The following VSNL1 variants were observed in gnomAD, a reference collection of about 807,000 sequenced individuals.
VSNL1 encodes the protein visinin like 1, also known as visinin-like protein 1.
Under a neutral mutation model 20.4 loss-of-function variants are expected in VSNL1, and 6 were observed. That is an observed-to-expected ratio of 0.29 (90% CI 0.16 to 0.58). The LOEUF (loss-of-function observed/expected upper bound fraction) is 0.58, where lower values mean the gene tolerates loss of function less well. Ranked by LOEUF, VSNL1 falls within the 20% of genes least tolerant of loss-of-function variation. VSNL1 has a pLI of 0.90. For synonymous variants in VSNL1, 93 were observed against 86.4 expected, an observed-to-expected ratio of 1.08 and a Z score of -0.42; for missense variants, 100 against 234.5, an observed-to-expected ratio of 0.43 and a Z score of 3.75.
At chr2:17,640,163 T>A (rs1378905387) in intron 2 of VSNL1, among the ~76,000 whole-genome samples, 1 of 149,324 alleles carries the variant, frequency 6.7e-6, no homozygotes, top group East Asian at 2.0e-4. Context: ...GGGAGGAGAA[T>A]CGCTTGAACC....
In VSNL1 at chr2:17,591,951, A is replaced by G. The variant is rs963453846; in HGVS notation, c.-5-119A>G. The G allele has an allele frequency of 4.7e-6, 5 of 1,058,172 alleles. No individual in the cohort carries two copies. The African/African-American group carries it at 6.3e-5, about 13-fold the overall frequency. The allele number at this position is 1,058,172 out of a possible 1,614,324, so 65.5% of individuals were successfully genotyped here. On this transcript the variant is annotated intron_variant, in intron 1 of 3. Transcript: ENST00000295156. ...AGGAGGCAGACTTGGGAAGATATGC[A>G]TCAGCCACACTGGAGGGAGTTCCGA...
intron 2 of VSNL1, among the ~76,000 whole-genome samples, chr2:17,595,491 A>G (rs906038850): frequency 1.1e-4 from 17 of 152,230 alleles, no homozygotes; most frequent in African/African-American, 3.6e-4. Context: ...CAGTGATGAG[A>G]GGAAGACTTT....
intron 1 of VSNL1, among the ~76,000 whole-genome samples, 152 bp from the exon 2 acceptor site, chr2:17,591,918 C>A (rs1664600607): frequency 6.6e-6 from 1 of 151,552 alleles, no homozygotes; most frequent in African/African-American, 2.4e-5. Context: ...TCTAGAATAC[C>A]AAGTAGAAGG....
At chr2:17,622,212 C>CA (rs60417092) in intron 2 of VSNL1, among the ~76,000 whole-genome samples, 9,125 of 134,508 alleles carry the variant, frequency 0.068, 862 homozygotes, top group African/African-American at 0.22. Context: ...GACTCTATCT[C>CA]AAAAAAAAAA....
intron 1 of VSNL1, among the ~76,000 whole-genome samples, chr2:17,590,829 G>C (rs114886278): frequency 0.017 from 2,617 of 152,180 alleles, 46 homozygotes; most frequent in Non-Finnish European, 0.027. Context: ...GAAGGACTAG[G>C]TTCACTTGGT....
chr2:17,648,116 T>C (rs1666038206), intron 2 of VSNL1, among the ~76,000 whole-genome samples: 2 of 152,236 alleles, frequency 1.3e-5, no homozygotes, highest in Non-Finnish European at 2.9e-5. Context: ...CTGGAACAGA[T>C]CATTGTGCCT....
chr2:17,622,377 A>T lies in VSNL1; in HGVS notation c.163-27033A>T, dbSNP rs1665381622. Among the ~76,000 whole-genome samples, 2 of 151,884 alleles carry T rather than the reference A, an allele frequency of 1.3e-5. 1 individual carries two copies. The highest frequency in any genetic ancestry group is 4.2e-4 in the South Asian group (2 of 4,802). On this transcript the variant is annotated intron_variant, in intron 2 of 3. Coordinates refer to ENST00000295156, the MANE Select transcript of VSNL1 (RefSeq NM_003385.5). The stretch of plus-strand genomic sequence containing the variant: ...GCCAGGCATGGTGGCGGGTGCCTGT[A>T]ATCCCAGCTACTTGGGAGGCTGAGG...
chr2:17,643,176 C>T (rs1431435044), intron 2 of VSNL1, among the ~76,000 whole-genome samples: 1 of 152,188 alleles, frequency 6.6e-6, no homozygotes, highest in Non-Finnish European at 1.5e-5. Context: ...CCCTCCTGCC[C>T]TCACAAAGCT....
At chr2:17,557,118 A>G (rs1209175767) in intron 1 of VSNL1, among the ~76,000 whole-genome samples, 2 of 151,936 alleles carry the variant, frequency 1.3e-5, no homozygotes, top group African/African-American at 4.8e-5. Context: ...ATACTACCTC[A>G]CTCATTTTCA....
chr2:17,610,579 C>T (rs746932648), intron 2 of VSNL1, among the ~76,000 whole-genome samples: 6 of 152,126 alleles, frequency 3.9e-5, no homozygotes, highest in Non-Finnish European at 8.8e-5. Context: ...TCTTGCAAGG[C>T]AAGATCCTAG....
intron 1 of VSNL1, among the ~76,000 whole-genome samples, chr2:17,579,051 A>T (rs986946975): frequency 6.6e-6 from 1 of 152,016 alleles, no homozygotes; most frequent in African/African-American, 2.4e-5. Context: ...CATGCCAGGG[A>T]TTTGAAAACC....
At chr2:17,636,244 C>T (rs1665744892) in intron 2 of VSNL1, among the ~76,000 whole-genome samples, 1 of 151,732 alleles carries the variant, frequency 6.6e-6, no homozygotes, top group South Asian at 2.1e-4. Flanking sequence ...TGGATTCCAC[C>T]AAGCTCCAAG....
intron 2 of VSNL1, among the ~76,000 whole-genome samples, chr2:17,646,597 T>C (rs1307086723): frequency 6.6e-6 from 1 of 152,224 alleles, no homozygotes; most frequent in African/African-American, 2.4e-5. Context: ...CACATATACA[T>C]ATACATATGA....
intron 1 of VSNL1, among the ~76,000 whole-genome samples, chr2:17,565,782 C>A (rs933326217): frequency 1.3e-5 from 2 of 152,182 alleles, no homozygotes; most frequent in African/African-American, 4.8e-5. Context: ...ACCCAAATCT[C>A]ATCTTGAATT....
At chr2:17,593,964 G>A (rs1243914722) in intron 2 of VSNL1, among the ~76,000 whole-genome samples, 1 of 152,162 alleles carries the variant, frequency 6.6e-6, no homozygotes, top group East Asian at 1.9e-4. Context: ...TATCACTAAA[G>A]GCCATGCAAG....
At position 17,592,203 on chromosome 2, in the gene VSNL1, A is replaced by G. The variant is rs768137768; in HGVS notation, c.129A>G (p.Leu43=). 6.2e-7 allele frequency: 1 copy of G among 1,613,808 alleles called. No individual in the cohort carries two copies. The highest frequency in any genetic ancestry group is 8.5e-7 in the Non-Finnish European group (1 of 1,179,762). Residue 43 remains leucine, a synonymous_variant, in exon 2 of 4, where the codon CTA becomes CTG. Coordinates refer to ENST00000295156, the MANE Select transcript of VSNL1 (RefSeq NM_003385.5). The part of the protein sequence containing the change: ...GFLKDCPSGR[L]NLEEFQQLYV... ...TCAAGGACTGTCCAAGTGGGAGGCT[A>G]AATCTCGAGGAATTTCAGCAGCTCT...
At chr2:17,575,436 C>T (rs571192825) in intron 1 of VSNL1, among the ~76,000 whole-genome samples, 3 of 152,282 alleles carry the variant, frequency 2.0e-5, no homozygotes, top group Non-Finnish European at 4.4e-5. Flanking sequence ...AAGTGTAGTT[C>T]GACCTTTGTC....
intron 2 of VSNL1, among the ~76,000 whole-genome samples, chr2:17,602,613 G>T (rs1664846315): frequency 6.6e-6 from 1 of 152,116 alleles, no homozygotes; most frequent in Non-Finnish European, 1.5e-5. Context: ...TATGGTGCAT[G>T]CCTGTAATCC....
chr2:17,614,272 G>A (rs1405877469), intron 2 of VSNL1, among the ~76,000 whole-genome samples: 1 of 152,222 alleles, frequency 6.6e-6, no homozygotes, highest in Non-Finnish European at 1.5e-5. Context: ...AGGCACACTT[G>A]CCTGTCATCC....
Sources: allele counts gnomAD v4.1 joint callset (sites outside exome capture counted in the v4.1 genomes callset), GRCh38; gene constraint gnomAD v4.1.1; transcripts MANE v1.5; gene names NCBI Gene and HGNC (gene_info 2026-07-23, HGNC 2026-07-21).